OPCML: variants seen among roughly 807,000 people sequenced by gnomAD.
OPCML encodes opioid binding protein/cell adhesion molecule like, also known as opioid-binding protein/cell adhesion molecule.
Under a neutral mutation model 37.8 loss-of-function variants are expected in OPCML, and 13 were observed. The observed-to-expected ratio is 0.34, with a 90% CI of 0.22 to 0.55. The LOEUF (loss-of-function observed/expected upper bound fraction) is 0.55, where lower values mean the gene tolerates loss of function less well. Among genes scored for constraint, OPCML ranks in the 20% least tolerant of loss-of-function variants. The probability of loss-of-function intolerance (pLI) is 0.91; values close to 1 mark genes in which losing one functional copy is unlikely to be tolerated. For missense variants in OPCML, 341 were observed against 435.6 expected (o/e 0.78, Z 1.93); for synonymous variants, 176 against 168.8 (o/e 1.04, Z -0.33).
chr11:132,832,603 A>T (rs1040363313), intron 2 of OPCML, among the ~76,000 whole-genome samples: 1 of 152,254 alleles, frequency 6.6e-6, no homozygotes, highest in Non-Finnish European at 1.5e-5. Context: ...CGTGAAAAAA[A>T]TGATTCATAC....
chr11:132,469,798 G>A (rs868016567), intron 4 of OPCML, among the ~76,000 whole-genome samples: 2 of 120,736 alleles, frequency 1.7e-5, no homozygotes, highest in Non-Finnish European at 3.5e-5. Flanking sequence ...GTGTGGAGGG[G>A]TGTGTGTGTG....
chr11:133,190,129 C>A (rs556915761), intron 1 of OPCML, among the ~76,000 whole-genome samples: 9 of 152,318 alleles, frequency 5.9e-5, no homozygotes, highest in South Asian at 2.1e-4. Flanking sequence ...GAATTCCAAT[C>A]CTGAAATCCA....
chr11:133,417,756 G>T (rs1489292108), intron 1 of OPCML, among the ~76,000 whole-genome samples: 1 of 151,906 alleles, frequency 6.6e-6, no homozygotes, highest in African/African-American at 2.4e-5. Flanking sequence ...GGAAATTCGG[G>T]AGGAGACCAC....
At position 132,644,744 on chromosome 11, in the gene OPCML, C is replaced by T. The variant is rs114642688; in HGVS notation, c.379+12343G>A. ...CCACCGACCCTTATAAACTGTTAAC[C>T]GTGGTAATGAACCAATCCAAGAGAC... On this transcript the variant is annotated intron_variant, in intron 3 of 7. Transcript: ENST00000524381. Among the ~76,000 whole-genome samples the T allele has an allele frequency of 2.5e-3, 379 of 152,204 alleles. 3 individuals are homozygous for T. Among genetic ancestry groups the T allele is most frequent in the African/African-American group, 8.5e-3 (351 of 41,524 alleles).
intron 2 of OPCML, among the ~76,000 whole-genome samples, chr11:132,675,173 GTGTGTGTGTATA>G (rs1443856609): frequency 9.6e-6 from 1 of 104,152 alleles, no homozygotes. Context: ...GTGTGTGTGT[GTGTGTGTGTATA>G]TATATATATA....
At chr11:133,290,629 G>A (rs999822910) in intron 1 of OPCML, among the ~76,000 whole-genome samples, 3 of 152,200 alleles carry the variant, frequency 2.0e-5, no homozygotes, top group Non-Finnish European at 4.4e-5. Context: ...GCTGGTTTGG[G>A]ATTGTGCCAG....
chr11:132,852,563 G>GT (rs1172040967), intron 2 of OPCML, among the ~76,000 whole-genome samples: 3 of 151,910 alleles, frequency 2.0e-5, no homozygotes, highest in Non-Finnish European at 2.9e-5. Flanking sequence ...GCACCAAACT[G>GT]TATCTGTCGG....
At chr11:132,604,190 AG>A (rs1430669105) in intron 3 of OPCML, among the ~76,000 whole-genome samples, 5 of 152,134 alleles carry the variant, frequency 3.3e-5, no homozygotes, top group Non-Finnish European at 7.4e-5. Flanking sequence ...TGTCCTCAAC[AG>A]TTAAAGAAAG....
intron 4 of OPCML, among the ~76,000 whole-genome samples, chr11:132,460,100 C>T (rs2096096049): frequency 6.6e-6 from 1 of 152,154 alleles, no homozygotes; most frequent in African/African-American, 2.4e-5. Flanking sequence ...GTACTTTGTG[C>T]TTTGGGCATA....
chr11:133,250,057 G>A (rs1259253900), intron 1 of OPCML, among the ~76,000 whole-genome samples: 1 of 152,194 alleles, frequency 6.6e-6, no homozygotes, highest in African/African-American at 2.4e-5. Context: ...ACCAAACTCA[G>A]CTTAAAGAAT....
rs1946396323 is a variant in OPCML at position 133,443,028 on chromosome 11, A to T, written c.61+89236T>A. Among the ~76,000 whole-genome samples the T allele has an allele frequency of 2.0e-5, 3 of 152,204 alleles. No homozygotes were observed. In the South Asian group the frequency reaches 6.2e-4, roughly 32 times the overall value. ...CATGTAATATTTGTGAAATGAAAAC[A>T]ATAATAATAAAAGAAAGATACAAAA... On this transcript the variant is annotated intron_variant, in intron 1 of 7. Coordinates refer to ENST00000524381, the MANE Select transcript of OPCML (RefSeq NM_001012393.5).
chr11:133,391,123 A>T (rs1050030280), intron 1 of OPCML, among the ~76,000 whole-genome samples: 3 of 152,190 alleles, frequency 2.0e-5, no homozygotes, highest in African/African-American at 7.2e-5. Flanking sequence ...CAAGCTGCGG[A>T]ATGAATGTCG....
At chr11:133,044,815 G>A (rs1054410698) in intron 1 of OPCML, among the ~76,000 whole-genome samples, 1 of 152,090 alleles carries the variant, frequency 6.6e-6, no homozygotes, top group Non-Finnish European at 1.5e-5. Context: ...TACAGAACGA[G>A]ACTCTACAGT....
chr11:133,506,208 T>C (rs942975278), intron 1 of OPCML, among the ~76,000 whole-genome samples: 2 of 152,178 alleles, frequency 1.3e-5, no homozygotes, highest in African/African-American at 4.8e-5. Context: ...AAAGAAAGTG[T>C]CTTGTCCCAG....
intron 1 of OPCML, chr11:133,066,058 A>G (rs904570892): frequency 6.6e-6 from 1 of 152,542 alleles, no homozygotes; most frequent in Non-Finnish European, 1.5e-5. Context: ...GCAACATCTG[A>G]TCTCCTTAGA....
intron 1 of OPCML, among the ~76,000 whole-genome samples, chr11:133,122,894 C>G (rs1949443473): frequency 6.6e-6 from 1 of 152,226 alleles, no homozygotes; most frequent in Non-Finnish European, 1.5e-5. Context: ...TAATTCTATT[C>G]TCCAGCTGCT....
rs371950037 is a variant in OPCML at position 133,386,245 on chromosome 11, T to C, written c.61+146019A>G. ...TTATTTTTAACTCCTTTTTACATTT[T>C]CAGAATTATACTTTAATTAGCATAA... On this transcript the variant is annotated intron_variant, in intron 1 of 7. Coordinates refer to ENST00000524381, the MANE Select transcript of OPCML (RefSeq NM_001012393.5). Among the ~76,000 whole-genome samples the C allele has an allele frequency of 2.6e-5, 4 of 152,252 alleles. No homozygotes were observed. The East Asian group carries it at 5.8e-4, about 22-fold the overall frequency.
At chr11:133,528,870 CAAG>C (rs147852784) in intron 1 of OPCML, among the ~76,000 whole-genome samples, 12,125 of 152,070 alleles carry the variant, frequency 0.08, 521 homozygotes, top group South Asian at 0.15. Flanking sequence ...CAGGATGGGC[CAAG>C]AAGAAGGGGA....
intron 2 of OPCML, among the ~76,000 whole-genome samples, chr11:132,663,811 G>A (rs1565757485): frequency 6.6e-6 from 1 of 152,128 alleles, no homozygotes; most frequent in Non-Finnish European, 1.5e-5. Context: ...GGGATTTAAT[G>A]TTGTTTTTTT....
Sources: allele counts gnomAD v4.1 joint callset (sites outside exome capture counted in the v4.1 genomes callset), GRCh38; gene constraint gnomAD v4.1.1; transcripts MANE v1.5; gene names NCBI Gene and HGNC (gene_info 2026-07-23, HGNC 2026-07-21).